The following GALNT18 variants were observed in gnomAD, a reference collection of about 807,000 sequenced individuals.
GALNT18 encodes the protein GalNAc-transferase 18.
Under a neutral mutation model 69.5 loss-of-function variants are expected in GALNT18, and 44 were observed. The ratio of observed to expected loss-of-function variants is 0.63; its 90% CI spans 0.50 to 0.81. GALNT18 has a LOEUF of 0.81. GALNT18 is among the 40% of genes least tolerant of loss of function. The pLI is 0.00. For synonymous variants in GALNT18, 364 were observed against 318.2 expected (o/e 1.14, Z -1.53); for missense variants, 715 against 810.0 (o/e 0.88, Z 1.42).
chr11:11,567,719 A>G lies in GALNT18; in HGVS notation c.235+53640T>C, dbSNP rs575241629. On this transcript the variant is annotated intron_variant, in intron 1 of 10. Transcript: ENST00000227756. ...CAAACAGAAGTTACCCACAAGGGAT[A>G]CATGGCATTGTTTGGGAATCAAGGA... 2.0e-5 allele frequency among the ~76,000 whole-genome samples: 3 copies of G among 152,360 alleles called. No homozygotes were observed. In the South Asian group the frequency reaches 6.2e-4, roughly 32 times the overall value.
chr11:11,436,437 C>T lies in GALNT18; in HGVS notation c.429-3650G>A, dbSNP rs968955457. 6.6e-6 allele frequency among the ~76,000 whole-genome samples: 1 copy of T among 151,874 alleles called. No homozygotes were observed. Among genetic ancestry groups the T allele is most frequent in the South Asian group, 2.1e-4 (1 of 4,786 alleles). On this transcript the variant is annotated intron_variant, in intron 2 of 10. Coordinates refer to ENST00000227756, the MANE Select transcript of GALNT18 (RefSeq NM_198516.3). This position sits in a 1 kb window ranked among gnomAD's most constrained non-coding sequence, Gnocchi z 4.5. ...AGTTTGCCCAGGACCTTCCCAGTTT[C>T]AGCACTGAAAGTCCTAGGCACACCA...
chr11:11,289,632 C>T (rs190977420), intron 10 of GALNT18, among the ~76,000 whole-genome samples: 73 of 152,276 alleles, frequency 4.8e-4, no homozygotes, highest in Admixed American at 3.3e-3. Flanking sequence ...GAGTGGGGAG[C>T]GCTGGCCACA....
chr11:11,308,558 G>A (rs1258536626), intron 9 of GALNT18, among the ~76,000 whole-genome samples: 1 of 152,010 alleles, frequency 6.6e-6, no homozygotes, highest in Non-Finnish European at 1.5e-5. Context: ...CACCAAACAA[G>A]GCTCTTCCTG....
At chr11:11,479,267 G>C (rs1016243536) in intron 1 of GALNT18, among the ~76,000 whole-genome samples, 1 of 151,272 alleles carries the variant, frequency 6.6e-6, no homozygotes, top group African/African-American at 2.5e-5. Flanking sequence ...CTCCTTAACA[G>C]GGAACAATAT....
chr11:11,418,439 C>A (rs1854916899), intron 3 of GALNT18, among the ~76,000 whole-genome samples: 1 of 152,158 alleles, frequency 6.6e-6, no homozygotes, highest in Admixed American at 6.5e-5. Flanking sequence ...AAAACAAAGG[C>A]AGGTTCTGTC....
chr11:11,316,381 G>C (rs893089090), intron 9 of GALNT18, among the ~76,000 whole-genome samples: 1 of 152,188 alleles, frequency 6.6e-6, no homozygotes, highest in Admixed American at 6.5e-5. Context: ...AATTGTCTCT[G>C]AGATGTGACG....
chr11:11,467,619 G>C (rs1408635393), intron 1 of GALNT18, among the ~76,000 whole-genome samples: 4 of 152,226 alleles, frequency 2.6e-5, no homozygotes, highest in African/African-American at 9.6e-5. Flanking sequence ...TCAGGGCACA[G>C]ACAGGCACCA....
rs529015543 is a variant in GALNT18, at chr11:11,339,957, A to T, written c.1278+862T>A. Among the ~76,000 whole-genome samples the T allele has an allele frequency of 6.6e-6, 1 of 152,336 alleles. No homozygotes were observed. Among genetic ancestry groups the T allele is most frequent in the Admixed American group, 6.5e-5 (1 of 15,304 alleles). ...TAGAAGCTTCCTAAAGGACTCCAAA[A>T]GGGATTGCCATGGCCTTGGGAGGAA... On this transcript the variant is annotated intron_variant, in intron 7 of 10. Transcript: ENST00000227756. The surrounding 1 kb of genome is among the most constrained non-coding windows in gnomAD (Gnocchi z 5.2).
chr11:11,425,626 T>C (rs377652513), intron 3 of GALNT18, among the ~76,000 whole-genome samples: 2 of 150,484 alleles, frequency 1.3e-5, no homozygotes. Context: ...CTTTTTTTTT[T>C]TCCCCAGAAG....
chr11:11,526,995 T>C lies in GALNT18; in HGVS notation c.236-78059A>G, dbSNP rs929988800. Among the ~76,000 whole-genome samples the C allele has an allele frequency of 2.0e-5, 3 of 152,294 alleles. No individual in the cohort carries two copies. The South Asian group carries it at 6.2e-4, about 32-fold the overall frequency. ...TATCATCTGATGTGGGTACCCTCTC[T>C]TGAAGGAGCCCGACACAGGGAAGAT... is the stretch of plus-strand genomic sequence containing the variant. On this transcript the variant is annotated intron_variant, in intron 1 of 10. Transcript: ENST00000227756.
In GALNT18 at chr11:11,320,529, T is replaced by C. The variant is rs919153120; in HGVS notation, c.1512+6557A>G. Reference sequence around the variant, plus strand: ...CAAGTCTGTAGGATTCAGAGGATCTTTGGGGTCCTCACCTGTCCACAGTCT... The same window carrying C: ...CAAGTCTGTAGGATTCAGAGGATCTCTGGGGTCCTCACCTGTCCACAGTCT... On this transcript the variant is annotated intron_variant, in intron 9 of 10. Transcript: ENST00000227756. The surrounding 1 kb of genome is among the most constrained non-coding windows in gnomAD (Gnocchi z 4.9). 6.6e-6 allele frequency among the ~76,000 whole-genome samples: 1 copy of C among 152,220 alleles called. No individual in the cohort carries two copies. Among genetic ancestry groups the C allele is most frequent in the Non-Finnish European group, 1.5e-5 (1 of 68,032 alleles).
At chr11:11,359,279 T>A (rs1264482057) in intron 6 of GALNT18, among the ~76,000 whole-genome samples, 1 of 141,184 alleles carries the variant, frequency 7.1e-6, no homozygotes, top group Non-Finnish European at 1.6e-5. Flanking sequence ...ACCCAGTCTA[T>A]CATGTGCTTC....
At chr11:11,331,153 A>G (rs1362262433) in intron 8 of GALNT18, among the ~76,000 whole-genome samples, 3 of 152,192 alleles carry the variant, frequency 2.0e-5, no homozygotes, top group Non-Finnish European at 4.4e-5. Flanking sequence ...ATGTGTTTCC[A>G]TGGGGACAAC....
intron 3 of GALNT18, among the ~76,000 whole-genome samples, chr11:11,401,855 C>T (rs999183239): frequency 1.2e-4 from 19 of 152,176 alleles, no homozygotes; most frequent in African/African-American, 4.1e-4. Flanking sequence ...CCATAAGCTC[C>T]GTTCTAAATG....
intron 1 of GALNT18, among the ~76,000 whole-genome samples, chr11:11,481,690 G>A (rs1451389166): frequency 6.6e-6 from 1 of 152,156 alleles, no homozygotes; most frequent in Non-Finnish European, 1.5e-5. Flanking sequence ...CTCAGGTGCT[G>A]GTGGTTGGAA....
chr11:11,445,709 TGAG>T (rs1855633018), intron 2 of GALNT18, among the ~76,000 whole-genome samples: 1 of 152,210 alleles, frequency 6.6e-6, no homozygotes. Flanking sequence ...GAGCCCTCCC[TGAG>T]GAGTGAGGAG....
chr11:11,308,291 G>T lies in GALNT18; in HGVS notation c.1513-15098C>A, dbSNP rs1849612183. Among the ~76,000 whole-genome samples the T allele has an allele frequency of 2.0e-5, 3 of 152,240 alleles. 1 individual carries two copies. Among genetic ancestry groups the T allele is most frequent in the South Asian group, 4.2e-4 (2 of 4,816 alleles). ...ACCAGTCTCAGATATTCATCTCATT[G>T]TCTATTTTCATGAAGATATGTTACT... On this transcript the variant is annotated intron_variant, in intron 9 of 10. Transcript: ENST00000227756.
intron 3 of GALNT18, among the ~76,000 whole-genome samples, chr11:11,384,726 C>T (rs1477483632): frequency 2.6e-5 from 4 of 152,160 alleles, no homozygotes; most frequent in African/African-American, 9.6e-5. Context: ...CACCAGGACC[C>T]AACCATGCTG....
At position 11,593,202 on chromosome 11, in the gene GALNT18, C is replaced by T. The variant is rs1859402745; in HGVS notation, c.235+28157G>A. Among the ~76,000 whole-genome samples, 3 of 152,198 alleles carry T rather than the reference C, an allele frequency of 2.0e-5. No individual in the cohort carries two copies. The South Asian group carries it at 6.2e-4, about 32-fold the overall frequency. ...CGTTTTAAGTCTGTCCAATGCAGCT[C>T]CCTTTAGGCAAGACGTACAGTCTTT... On this transcript the variant is annotated intron_variant, in intron 1 of 10. Coordinates refer to ENST00000227756, the MANE Select transcript of GALNT18 (RefSeq NM_198516.3).
Sources: gnomAD v4.1 joint callset for allele counts (sites outside exome capture counted in the v4.1 genomes callset) on GRCh38, gnomAD v4.1.1 for gene constraint, Gnocchi (gnomAD v3.1) non-coding constraint, MANE v1.5 for transcripts, NCBI Gene and HGNC (gene_info 2026-07-23, HGNC 2026-07-21) for gene names.